The following COL14A1 variants were observed in gnomAD, a reference collection of about 807,000 sequenced individuals.
COL14A1 encodes the protein collagen alpha-1(XIV) chain.
A neutral mutation model predicts 230.3 loss-of-function variants in COL14A1; 136 were observed. That is an observed-to-expected ratio of 0.59 (90% CI 0.51 to 0.68). COL14A1 has a LOEUF of 0.68. Ranked by LOEUF, COL14A1 falls within the 30% of genes least tolerant of loss-of-function variation. The pLI, the probability that COL14A1 is intolerant of heterozygous loss-of-function variation, is 0.00. For synonymous variants in COL14A1, 792 were observed against 784.1 expected (o/e 1.01, Z -0.17); for missense variants, 1,976 against 2,215.8 (o/e 0.89, Z 2.17).
At chr8:120,349,221 C>A (rs916856494) in intron 45 of COL14A1, among the ~76,000 whole-genome samples, 2 of 151,106 alleles carry the variant, frequency 1.3e-5, no homozygotes, top group Non-Finnish European at 2.9e-5. Flanking sequence ...ACATCCACAC[C>A]AAAAACCCAT....
rs140634908 is a variant in COL14A1 at position 120,195,484 on chromosome 8, G to A, written c.437-1307G>A. ...AGCACAGACCAGAGTTCGAAGCAAT[G>A]TTGCGATCGGTACTAAAAGTATTGG... On this transcript the variant is annotated intron_variant, in intron 5 of 47. Coordinates refer to ENST00000297848, the MANE Select transcript of COL14A1 (RefSeq NM_021110.4). Among the ~76,000 whole-genome samples, 644 of 152,194 alleles carry A rather than the reference G, an allele frequency of 4.2e-3. 9 individuals carry two copies. Among genetic ancestry groups the A allele is most frequent in the African/African-American group, 0.014 (600 of 41,532 alleles).
At chr8:120,320,570 A>G (rs375951072) in intron 40 of COL14A1, among the ~76,000 whole-genome samples, 2 of 152,206 alleles carry the variant, frequency 1.3e-5, no homozygotes, top group African/African-American at 2.4e-5. Flanking sequence ...TTTATCATAA[A>G]TGTTAAGCAG....
At position 120,248,215 on chromosome 8, in the gene COL14A1, A is replaced by T. The variant is rs964263495; in HGVS notation, c.2602+480A>T. ...GAAATGGAATAGGGGGAAGAAAAAA[A>T]AAACTCATCACGGTAGTAAAATGCT... On this transcript the variant is annotated intron_variant, in intron 21 of 47. Transcript: ENST00000297848. Among the ~76,000 whole-genome samples, 20 of 152,230 alleles carry T rather than the reference A, an allele frequency of 1.3e-4. No homozygotes were observed. The East Asian group carries it at 1.9e-3, about 15-fold the overall frequency.
At chr8:120,313,402 G>A (rs1376384687) in intron 37 of COL14A1, among the ~76,000 whole-genome samples, 9 of 152,072 alleles carry the variant, frequency 5.9e-5, no homozygotes, top group South Asian at 2.1e-4. Context: ...ATACTAAGCC[G>A]AGGGAAGGTC....
At chr8:120,258,917 A>T (rs1440611398) in intron 23 of COL14A1, among the ~76,000 whole-genome samples, 1 of 152,170 alleles carries the variant, frequency 6.6e-6, no homozygotes, top group Non-Finnish European at 1.5e-5. Context: ...ATTTATTAAT[A>T]TATGCCACAT....
At chr8:120,343,407 A>G (rs1822382782) in intron 44 of COL14A1, among the ~76,000 whole-genome samples, 1 of 152,190 alleles carries the variant, frequency 6.6e-6, no homozygotes, top group South Asian at 2.1e-4. Flanking sequence ...TAACTCAAGA[A>G]AGTTTGGGAG....
At position 120,184,785 on chromosome 8, in the gene COL14A1, G is replaced by A. The variant is rs2219245; in HGVS notation, c.437-12006G>A. Among the ~76,000 whole-genome samples, 424 of 152,266 alleles carry A rather than the reference G, an allele frequency of 2.8e-3. 4 individuals are homozygous for A. Among genetic ancestry groups the A allele is most frequent in the African/African-American group, 9.4e-3 (391 of 41,562 alleles). On this transcript the variant is annotated intron_variant, in intron 5 of 47. Transcript: ENST00000297848. The stretch of plus-strand genomic sequence containing the variant: ...TCTCAAGGCATGAAAAGCAACATAT[G>A]AGCTCAAGGCAGTCAGGCAGGCTTC...
intron 22 of COL14A1, among the ~76,000 whole-genome samples, chr8:120,253,008 G>A (rs562405366): frequency 1.3e-5 from 2 of 152,288 alleles, no homozygotes; most frequent in East Asian, 3.9e-4. Context: ...TTTGGTTGGG[G>A]TTCTGATCTT....
In COL14A1 at chr8:120,373,211, G is replaced by C. The variant is rs1394284684; in HGVS notation, c.*1980G>C. Among the ~76,000 whole-genome samples, 1 of 152,140 alleles carries C rather than the reference G, an allele frequency of 6.6e-6. No homozygotes were observed. The highest frequency in any genetic ancestry group is 6.6e-5 in the Admixed American group (1 of 15,266). On this transcript the variant is annotated 3_prime_UTR_variant, in exon 48 of 48. Transcript: ENST00000297848. ...CTCTCAAAGTTTGTGTATAAATGGC[G>C]AAGTATACACTATGAGAGATTCTAA... is the stretch of plus-strand genomic sequence containing the variant.
At chr8:120,299,614 A>C (rs1035140730) in intron 35 of COL14A1, among the ~76,000 whole-genome samples, 1 of 152,130 alleles carries the variant, frequency 6.6e-6, no homozygotes, top group Non-Finnish European at 1.5e-5. Context: ...CTCTGGCTAC[A>C]GGTGGCCTGT....
At chr8:120,266,641 T>C (rs1289567367) in intron 24 of COL14A1, among the ~76,000 whole-genome samples, 186 bp from the exon 25 acceptor site, 2 of 152,186 alleles carry the variant, frequency 1.3e-5, no homozygotes, top group East Asian at 3.9e-4. Flanking sequence ...GCCTTCAGTC[T>C]GAGGATGAGA....
At chr8:120,179,148 C>T (rs1237868138) in intron 5 of COL14A1, among the ~76,000 whole-genome samples, 2 of 152,084 alleles carry the variant, frequency 1.3e-5, no homozygotes, top group African/African-American at 4.8e-5. Context: ...GAAGTCTTTG[C>T]CCATGCCTAT....
At chr8:120,219,381 G>A (rs897326838) in intron 14 of COL14A1, among the ~76,000 whole-genome samples, 2 of 152,194 alleles carry the variant, frequency 1.3e-5, no homozygotes, top group Non-Finnish European at 2.9e-5. Flanking sequence ...TGGAATTATA[G>A]GAGTGAGGCA....
intron 9 of COL14A1, 150 bp downstream of exon 9, chr8:120,204,020 G>A (rs555223495): frequency 2.8e-5 from 18 of 637,746 alleles, no homozygotes; most frequent in African/African-American, 2.2e-4. Context: ...AGAAAAGGGA[G>A]TATATTAGCA....
rs560470713 is a variant in COL14A1, at chr8:120,317,313, T to C, written c.4659+1316T>C. Among the ~76,000 whole-genome samples, 121 of 152,330 alleles carry C rather than the reference T, an allele frequency of 7.9e-4. 2 individuals are homozygous for C. The highest frequency in any genetic ancestry group is 6.0e-3 in the South Asian group (29 of 4,822). ...AATGAAACTGTTCTTGTTTTTTCTA[T>C]AGAATGTAGATGCGCAAGCCTTCTA... On this transcript the variant is annotated intron_variant, in intron 40 of 47. Transcript: ENST00000297848.
At chr8:120,360,370 T>G (rs77310178) in intron 45 of COL14A1, among the ~76,000 whole-genome samples, 18 of 152,304 alleles carry the variant, frequency 1.2e-4, no homozygotes, top group African/African-American at 4.3e-4. Context: ...TATCTCTCCA[T>G]AGTCTGGCAC....
rs144385126 is a variant in COL14A1 at position 120,170,019 on chromosome 8, G to T, written c.436+1772G>T. Among the ~76,000 whole-genome samples, 404 of 151,712 alleles carry T rather than the reference G, an allele frequency of 2.7e-3. 4 individuals carry two copies. The highest frequency in any genetic ancestry group is 9.0e-3 in the African/African-American group (372 of 41,400). Reference sequence around the variant, plus strand: ...TTATCATTTTACTTCATATATATTTGCCAGCTTAAAACATATTTAATTATA... The same window carrying T: ...TTATCATTTTACTTCATATATATTTTCCAGCTTAAAACATATTTAATTATA... On this transcript the variant is annotated intron_variant, in intron 5 of 47. Coordinates refer to ENST00000297848, the MANE Select transcript of COL14A1 (RefSeq NM_021110.4).
intron 12 of COL14A1, among the ~76,000 whole-genome samples, chr8:120,211,250 G>A (rs573349280): frequency 2.2e-4 from 33 of 152,254 alleles, no homozygotes; most frequent in Admixed American, 1.5e-3. Flanking sequence ...TAACAGGCCT[G>A]TTAATAGAGG....
At chr8:120,128,014 A>G (rs1205015194) in intron 1 of COL14A1, among the ~76,000 whole-genome samples, 1 of 152,172 alleles carries the variant, frequency 6.6e-6, no homozygotes, top group Non-Finnish European at 1.5e-5. Context: ...TGGAGGGAGA[A>G]AGTTTAAAGG....
Sources: allele counts gnomAD v4.1 joint callset (sites outside exome capture counted in the v4.1 genomes callset), GRCh38; gene constraint gnomAD v4.1.1; transcripts MANE v1.5; gene names NCBI Gene and HGNC (gene_info 2026-07-23, HGNC 2026-07-21).